GRK3: variants seen among roughly 807,000 people sequenced by gnomAD.
The protein encoded by GRK3 is G protein-coupled receptor kinase 3, also known as adrenergic, beta, receptor kinase 2.
Under a neutral mutation model 95.7 loss-of-function variants are expected in GRK3, and 54 were observed. That is an observed-to-expected ratio of 0.56 (90% CI 0.45 to 0.71). The LOEUF is 0.71. Ranked by LOEUF, GRK3 falls within the 30% of genes least tolerant of loss-of-function variation. GRK3 has a pLI of 0.00. For missense variants in GRK3, 649 were observed against 851.2 expected (o/e 0.76, Z 2.96); for synonymous variants, 281 against 290.8 (o/e 0.97, Z 0.34).
intron 1 of GRK3, among the ~76,000 whole-genome samples, chr22:25,569,953 C>T (rs1046997875): frequency 2.0e-5 from 3 of 152,298 alleles, no homozygotes; most frequent in East Asian, 1.9e-4. Flanking sequence ...GCAGGAGGGA[C>T]GCCCAGGTTT....
At chr22:25,640,906 C>T (rs531444121) in intron 2 of GRK3, among the ~76,000 whole-genome samples, 8 of 152,308 alleles carry the variant, frequency 5.3e-5, no homozygotes, top group Non-Finnish European at 4.4e-5. Context: ...GGAGAAATTG[C>T]AGCGATGAAG....
chr22:25,599,842 G>T (rs768434346), intron 1 of GRK3, among the ~76,000 whole-genome samples: 21 of 152,126 alleles, frequency 1.4e-4, no homozygotes, highest in Non-Finnish European at 2.2e-4. Flanking sequence ...CACCAAAATG[G>T]CTAAAATAAA....
At chr22:25,620,034 G>A (rs1366036933) in intron 2 of GRK3, among the ~76,000 whole-genome samples, 1 of 149,810 alleles carries the variant, frequency 6.7e-6, no homozygotes, top group African/African-American at 2.5e-5. Context: ...GTGTGTGTGT[G>A]TGTGTGTGTG....
At chr22:25,618,589 TTGGAG>T (rs1428713186) in intron 2 of GRK3, among the ~76,000 whole-genome samples, 6 of 152,270 alleles carry the variant, frequency 3.9e-5, no homozygotes, top group African/African-American at 1.4e-4. Context: ...ATCAAAACAG[TTGGAG>T]TGAAGTCTCC....
chr22:25,673,379 A>T (rs1237335870), intron 7 of GRK3, among the ~76,000 whole-genome samples: 8 of 151,280 alleles, frequency 5.3e-5, no homozygotes, highest in East Asian at 3.9e-4. Flanking sequence ...TGTTTTTTTT[A>T]AAAATACTTG....
At chr22:25,565,463 C>G (rs1931437747) in intron 1 of GRK3, among the ~76,000 whole-genome samples, 1 of 152,180 alleles carries the variant, frequency 6.6e-6, no homozygotes, top group Non-Finnish European at 1.5e-5. Context: ...CCCCCTCCCC[C>G]CAGCCCTGTC....
chr22:25,655,965 T>G (rs948543294), intron 3 of GRK3, among the ~76,000 whole-genome samples: 1 of 152,250 alleles, frequency 6.6e-6, no homozygotes, highest in African/African-American at 2.4e-5. Flanking sequence ...TTGAAAGTTC[T>G]AGTGCTGAAC....
At chr22:25,582,169 C>T (rs1932122439) in intron 1 of GRK3, among the ~76,000 whole-genome samples, 1 of 151,792 alleles carries the variant, frequency 6.6e-6, no homozygotes, top group Non-Finnish European at 1.5e-5. Context: ...CCCAGCTACT[C>T]AGGAGGCTGA....
intron 2 of GRK3, among the ~76,000 whole-genome samples, chr22:25,609,132 T>C (rs1355730462): frequency 2.0e-5 from 3 of 152,200 alleles, no homozygotes; most frequent in African/African-American, 7.2e-5. Context: ...GGAAAATCAT[T>C]GTATCAGTTA....
chr22:25,646,295 A>G (rs1018268519), intron 3 of GRK3, among the ~76,000 whole-genome samples: 7 of 152,226 alleles, frequency 4.6e-5, no homozygotes, highest in Non-Finnish European at 8.8e-5. Flanking sequence ...GAAGGGATAC[A>G]TAATTTCAGG....
At chr22:25,635,132 T>G (rs1462468891) in intron 2 of GRK3, among the ~76,000 whole-genome samples, 1 of 152,232 alleles carries the variant, frequency 6.6e-6, no homozygotes, top group Non-Finnish European at 1.5e-5. Flanking sequence ...TGTGATTTGT[T>G]TTTTGTTAAC....
chr22:25,646,953 A>T (rs967596705), intron 3 of GRK3, among the ~76,000 whole-genome samples: 18 of 148,396 alleles, frequency 1.2e-4, no homozygotes, highest in Middle Eastern at 3.4e-3. Flanking sequence ...CCCGGGAGGC[A>T]GAAGTTGCAG....
Position 25,626,221 on chromosome 22 carries a change from G to A in GRK3, c.191-18371G>A, listed in dbSNP as rs1202372119. Among the ~76,000 whole-genome samples the A allele has an allele frequency of 5.9e-5, 9 of 152,128 alleles. No individual in the cohort carries two copies. In the East Asian group the frequency reaches 1.3e-3, roughly 23 times the overall value. ...TGGGATTACAGGCGTGAGCCACCGC[G>A]CCAGGCCGATGATGATTCTCTTAGT... On this transcript the variant is annotated intron_variant, in intron 2 of 20. Coordinates refer to ENST00000324198, the MANE Select transcript of GRK3 (RefSeq NM_005160.4).
chr22:25,659,422 C>G (rs1001477966), intron 3 of GRK3, among the ~76,000 whole-genome samples: 2 of 152,184 alleles, frequency 1.3e-5, no homozygotes, highest in Non-Finnish European at 2.9e-5. Context: ...AAAGTGCTTG[C>G]TCTTAGGGCT....
At chr22:25,690,807 C>A (rs2085159509) in intron 12 of GRK3, among the ~76,000 whole-genome samples, 1 of 147,568 alleles carries the variant, frequency 6.8e-6, no homozygotes, top group Admixed American at 6.8e-5. Context: ...TTCTTTCTTT[C>A]TTTTTTAATT....
chr22:25,585,549 CTT>C (rs1404606017), intron 1 of GRK3, among the ~76,000 whole-genome samples: 1 of 152,128 alleles, frequency 6.6e-6, no homozygotes, highest in African/African-American at 2.4e-5. Flanking sequence ...GATGCAAAGA[CTT>C]GGGAGAGGCT....
chr22:25,667,847 T>A, intron 6 of GRK3, 47 bp downstream of exon 6: 2 of 1,104,256 alleles, frequency 1.8e-6, no homozygotes, highest in Non-Finnish European at 2.8e-6. Context: ...ATCATGTACG[T>A]GTACCTCATC....
intron 3 of GRK3, among the ~76,000 whole-genome samples, chr22:25,652,893 C>T (rs2084844198): frequency 1.3e-5 from 2 of 152,132 alleles, no homozygotes; most frequent in African/African-American, 4.8e-5. Flanking sequence ...TAGTCACATG[C>T]TGCACAGGTT....
In GRK3 at chr22:25,646,133, AC is replaced by A. The variant is rs377242284; in HGVS notation, c.264+1469del. Reference sequence around the variant, plus strand: ...TTAGCATGCAGTAAAGAATTATGAGACATGCTAAGAAGCAAGATCATGTGAA... The same window carrying A: ...TTAGCATGCAGTAAAGAATTATGAGAATGCTAAGAAGCAAGATCATGTGAA... On this transcript the variant is annotated intron_variant, in intron 3 of 20. Transcript: ENST00000324198. 3.9e-3 allele frequency among the ~76,000 whole-genome samples: 593 copies of A among 152,234 alleles called. 6 individuals are homozygous for A. The highest frequency in any genetic ancestry group is 0.013 in the African/African-American group (548 of 41,546).
Sources: allele counts gnomAD v4.1 joint callset (sites outside exome capture counted in the v4.1 genomes callset), GRCh38; gene constraint gnomAD v4.1.1; transcripts MANE v1.5; gene names NCBI Gene and HGNC (gene_info 2026-07-23, HGNC 2026-07-21).